PPP6C: variants seen among roughly 807,000 people sequenced by gnomAD.
The protein encoded by PPP6C is protein phosphatase 6 catalytic subunit.
Under a neutral mutation model 39.8 loss-of-function variants are expected in PPP6C, and 11 were observed. That is an observed-to-expected ratio of 0.28 (90% CI 0.17 to 0.46). The LOEUF is 0.46. Among genes scored for constraint, PPP6C ranks in the 20% least tolerant of loss-of-function variants. PPP6C has a pLI of 1.00. For synonymous variants in PPP6C, 129 were observed against 130.3 expected, an observed-to-expected ratio of 0.99 and a Z score of 0.07; for missense variants, 211 against 373.9, an observed-to-expected ratio of 0.56 and a Z score of 3.59.
chr9:125,170,259 C>G (rs969981943), intron 2 of PPP6C, among the ~76,000 whole-genome samples: 2 of 149,038 alleles, frequency 1.3e-5, no homozygotes, highest in African/African-American at 5.0e-5. Flanking sequence ...TTTTTTTAGA[C>G]AGAGTCTTGC....
chr9:125,162,006 G>A (rs1194187616), intron 2 of PPP6C, among the ~76,000 whole-genome samples: 2 of 146,724 alleles, frequency 1.4e-5, no homozygotes, highest in African/African-American at 5.0e-5. Flanking sequence ...TCAAAGTGAA[G>A]AAAACTGAAA....
chr9:125,172,419 C>G (rs1829190974), intron 1 of PPP6C, among the ~76,000 whole-genome samples: 1 of 152,110 alleles, frequency 6.6e-6, no homozygotes, highest in Admixed American at 6.6e-5. Flanking sequence ...GTTGGTCAGG[C>G]TGGTCTCAAA....
Position 125,153,801 on chromosome 9 carries a change from C to T in PPP6C, c.460-59G>A. The T allele has an allele frequency of 1.9e-6, 3 of 1,541,616 alleles. No homozygotes were observed. In the Admixed American group the frequency reaches 5.1e-5, roughly 26 times the overall value. ...TAACCTCAGGCATATCTAAACTCAT[C>T]AGTGAATACTAAAGATATCAATATA... On this transcript the variant is annotated intron_variant, in intron 5 of 6. Coordinates refer to ENST00000373547, the MANE Select transcript of PPP6C (RefSeq NM_002721.5).
At chr9:125,155,409 A>G (rs1836043854) in intron 4 of PPP6C, among the ~76,000 whole-genome samples, 1 of 152,154 alleles carries the variant, frequency 6.6e-6, no homozygotes, top group Non-Finnish European at 1.5e-5. Flanking sequence ...GTGAAGCAAG[A>G]TTGTTATGTA....
At chr9:125,189,423 G>A in intron 1 of PPP6C, 5 of 1,287,092 alleles carry the variant, frequency 3.9e-6, no homozygotes, top group South Asian at 3.2e-5. Context: ...GACAGAGGCC[G>A]CGACATCCCT....
rs368833515 is a variant in PPP6C, at chr9:125,153,966, A to G, written c.399T>C (p.Tyr133=). Reference sequence around the variant, plus strand: ...AGTATCTCCAGGCATTAGCATTTCCATATTTGGTTTGGCACTCATCTGTGA... The same window carrying G: ...AGTATCTCCAGGCATTAGCATTTCCGTATTTGGTTTGGCACTCATCTGTGA... ...YGFYDECQTK[Y]GNANAWRYCT... The change falls in exon 5 of 7, where the codon TAT becomes TAC. Residue 133 remains tyrosine, a synonymous_variant. Transcript: ENST00000373547. 9.3e-6 allele frequency: 15 copies of G among 1,610,418 alleles called. No homozygotes were observed. The highest frequency in any genetic ancestry group is 1.2e-5 in the Non-Finnish European group (14 of 1,176,866).
intron 6 of PPP6C, chr9:125,151,111 G>A (rs1210742446): frequency 7.3e-7 from 1 of 1,364,284 alleles, no homozygotes; most frequent in African/African-American, 1.4e-5. Context: ...GTGGATAAGG[G>A]AGAATATCTC....
At chr9:125,188,936 G>A in intron 1 of PPP6C, 1 of 1,548,828 alleles carries the variant, frequency 6.5e-7, no homozygotes, top group Non-Finnish European at 8.7e-7. Context: ...AGAAAACGAA[G>A]AAAATGAAAT....
intron 1 of PPP6C, among the ~76,000 whole-genome samples, chr9:125,177,124 C>T (rs529710939): frequency 4.1e-4 from 63 of 152,250 alleles, no homozygotes; most frequent in African/African-American, 1.4e-3. Context: ...CCTGTAATCC[C>T]AGCACTTTGG....
chr9:125,151,694 G>A, intron 6 of PPP6C: 6 of 268,850 alleles, frequency 2.2e-5, no homozygotes, highest in Admixed American at 4.3e-5. Context: ...TTGCTCCAGT[G>A]TAGCTTTCTA....
At chr9:125,175,587 G>T (rs1829280076) in intron 1 of PPP6C, among the ~76,000 whole-genome samples, 1 of 148,274 alleles carries the variant, frequency 6.7e-6, no homozygotes, top group Non-Finnish European at 1.5e-5. Context: ...AGCTTGCAGT[G>T]AGCAGAGATC....
chr9:125,164,678 C>T (rs1828974344), intron 2 of PPP6C, among the ~76,000 whole-genome samples: 1 of 152,118 alleles, frequency 6.6e-6, no homozygotes, highest in African/African-American at 2.4e-5. Context: ...ATCAAGCAAT[C>T]CTCCCACCTC....
chr9:125,179,283 T>C (rs932403504), intron 1 of PPP6C, among the ~76,000 whole-genome samples: 4 of 152,124 alleles, frequency 2.6e-5, no homozygotes, highest in Non-Finnish European at 5.9e-5. Context: ...TCACAAATAT[T>C]TTCTCCCAGT....
chr9:125,167,913 C>T (rs547356585), intron 2 of PPP6C, among the ~76,000 whole-genome samples: 1 of 150,060 alleles, frequency 6.7e-6, no homozygotes, highest in East Asian at 2.0e-4. Context: ...CCTCAGCCTC[C>T]CAAAGTGCTG....
At chr9:125,189,020 G>T in intron 1 of PPP6C, 1 of 1,162,482 alleles carries the variant, frequency 8.6e-7, no homozygotes, top group Non-Finnish European at 1.2e-6. Flanking sequence ...ACTTCAGTAA[G>T]CTCAACAACA....
intron 1 of PPP6C, among the ~76,000 whole-genome samples, chr9:125,174,748 A>G (rs1300390543): frequency 6.6e-6 from 1 of 151,778 alleles, no homozygotes; most frequent in Non-Finnish European, 1.5e-5. Flanking sequence ...TGTCTATACT[A>G]AAAAATACAA....
chr9:125,173,845 T>C (rs1434235522), intron 1 of PPP6C, among the ~76,000 whole-genome samples: 2 of 152,116 alleles, frequency 1.3e-5, no homozygotes. Context: ...CTCGCTCTCC[T>C]GACCTCATGA....
chr9:125,149,996 A>G, intron 6 of PPP6C, 75 bp from the exon 7 acceptor site: 1 of 1,504,006 alleles, frequency 6.6e-7, no homozygotes, highest in Non-Finnish European at 8.9e-7. Flanking sequence ...TAAATAAAAT[A>G]CCAAATCCTA....
intron 1 of PPP6C, among the ~76,000 whole-genome samples, chr9:125,172,787 G>A (rs1238262110): frequency 6.6e-6 from 1 of 150,454 alleles, no homozygotes; most frequent in Non-Finnish European, 1.5e-5. Flanking sequence ...AAGTAAAACT[G>A]AAGAAATCTG....
Sources: gnomAD v4.1 joint callset for allele counts (sites outside exome capture counted in the v4.1 genomes callset) on GRCh38, gnomAD v4.1.1 for gene constraint, MANE v1.5 for transcripts, NCBI Gene and HGNC (gene_info 2026-07-23, HGNC 2026-07-21) for gene names.